The following CCDC178 variants were observed in gnomAD, a reference collection of about 807,000 sequenced individuals.
CCDC178 encodes the protein coiled-coil domain containing 178, also known as coiled-coil domain-containing protein 178.
A neutral mutation model predicts 117.4 loss-of-function variants in CCDC178; 126 were observed. The ratio of observed to expected loss-of-function variants is 1.07; its 90% CI spans 0.93 to 1.24. CCDC178 has a LOEUF of 1.24. CCDC178 is among the 50% of genes most tolerant of loss of function. The pLI is 0.00. For synonymous variants in CCDC178, 283 were observed against 313.4 expected (o/e 0.90, Z 1.02); for missense variants, 1,030 against 986.9 (o/e 1.04, Z -0.59).
chr18:33,044,447 G>A (rs2056605165), intron 21 of CCDC178, among the ~76,000 whole-genome samples: 1 of 151,824 alleles, frequency 6.6e-6, no homozygotes, highest in Non-Finnish European at 1.5e-5. Flanking sequence ...TCAGAGAAAT[G>A]CAAATTAAAA....
chr18:32,956,490 A>G (rs918964071), intron 22 of CCDC178: 2 of 152,206 alleles, frequency 1.3e-5, no homozygotes, highest in African/African-American at 4.8e-5. Context: ...GGTTTACTAC[A>G]GAAAAATCAC....
At chr18:33,214,725 T>C (rs1389312577) in intron 19 of CCDC178, among the ~76,000 whole-genome samples, 1 of 152,000 alleles carries the variant, frequency 6.6e-6, no homozygotes, top group African/African-American at 2.4e-5. Flanking sequence ...GAAAATAAGT[T>C]TTACTCTATG....
intron 21 of CCDC178, among the ~76,000 whole-genome samples, chr18:33,056,419 G>A (rs2144945022): frequency 6.6e-6 from 1 of 152,328 alleles, no homozygotes; most frequent in Non-Finnish European, 1.5e-5. Context: ...CAAATTATCT[G>A]TATGGTTACC....
chr18:33,085,456 G>A (rs1242597248), intron 21 of CCDC178, among the ~76,000 whole-genome samples: 1 of 152,004 alleles, frequency 6.6e-6, no homozygotes, highest in South Asian at 2.1e-4. Flanking sequence ...CCAGCTACTC[G>A]GGAGGCTGAG....
chr18:33,322,063 C>T (rs2062518256), intron 11 of CCDC178, among the ~76,000 whole-genome samples: 1 of 151,758 alleles, frequency 6.6e-6, no homozygotes, highest in Non-Finnish European at 1.5e-5. Context: ...TAATTGGTAT[C>T]CCAGGAGGAT....
chr18:33,023,180 C>G (rs2144835224), intron 21 of CCDC178, among the ~76,000 whole-genome samples: 1 of 152,094 alleles, frequency 6.6e-6, no homozygotes, highest in African/African-American at 2.4e-5. Flanking sequence ...GACACCTAAA[C>G]AGAAAATCAT....
At chr18:33,366,640 T>A (rs1472538672) in intron 6 of CCDC178, among the ~76,000 whole-genome samples, 1 of 152,070 alleles carries the variant, frequency 6.6e-6, no homozygotes, top group Non-Finnish European at 1.5e-5. Context: ...CCGTGGTTTT[T>A]AATGTATTTA....
chr18:33,066,055 G>T (rs1195495088), intron 21 of CCDC178, among the ~76,000 whole-genome samples: 1 of 151,866 alleles, frequency 6.6e-6, no homozygotes, highest in Admixed American at 6.6e-5. Flanking sequence ...TAGAGATGGG[G>T]TTTTACCGTG....
chr18:33,034,869 G>A (rs187642833), intron 21 of CCDC178, among the ~76,000 whole-genome samples: 1 of 151,874 alleles, frequency 6.6e-6, no homozygotes, highest in Admixed American at 6.6e-5. Context: ...ATTACTATCT[G>A]TACATTACAC....
rs143760952 is a variant in CCDC178 at position 33,044,028 on chromosome 18, T to TAC, written c.2388+48731_2388+48732dup. On this transcript the variant is annotated intron_variant, in intron 21 of 22. Transcript: ENST00000383096. ...ATTGATGTGTTGTTAACAATATATA[T>TAC]ACACACACACACCAGCATATGTGTG... 6.4e-3 allele frequency among the ~76,000 whole-genome samples: 972 copies of TAC among 150,876 alleles called. 8 individuals are homozygous for TAC. Among genetic ancestry groups the TAC allele is most frequent in the Admixed American group, 0.012 (187 of 15,152 alleles).
At chr18:33,393,648 A>G (rs2063592588) in intron 4 of CCDC178, among the ~76,000 whole-genome samples, 1 of 152,012 alleles carries the variant, frequency 6.6e-6, no homozygotes, top group East Asian at 1.9e-4. Flanking sequence ...CACCAATGCT[A>G]CTCCATGTAT....
chr18:33,244,443 C>G (rs2059523287), intron 15 of CCDC178, among the ~76,000 whole-genome samples: 1 of 151,840 alleles, frequency 6.6e-6, no homozygotes, highest in African/African-American at 2.4e-5. Context: ...AGGGTGGGAC[C>G]AGGTGGAGAT....
chr18:33,030,686 G>C (rs1410433762), intron 21 of CCDC178, among the ~76,000 whole-genome samples: 1 of 151,934 alleles, frequency 6.6e-6, no homozygotes, highest in Non-Finnish European at 1.5e-5. Flanking sequence ...GATAGATGTA[G>C]ATATAGATAT....
Position 33,191,133 on chromosome 18 carries a change from T to C in CCDC178, c.2238+20763A>G, listed in dbSNP as rs114281857. 7.0e-3 allele frequency among the ~76,000 whole-genome samples: 1,070 copies of C among 152,290 alleles called. 12 individuals carry two copies. Among genetic ancestry groups the C allele is most frequent in the African/African-American group, 0.025 (1,019 of 41,568 alleles). On this transcript the variant is annotated intron_variant, in intron 20 of 22. Coordinates refer to ENST00000383096, the MANE Select transcript of CCDC178 (RefSeq NM_001105528.4). ...CTCAAACAACTCTAAGAAATTAGAT[T>C]ACCACATTCAGAATTCCTTCTTTCA...
At chr18:32,976,430 G>T (rs540643924) in intron 21 of CCDC178, among the ~76,000 whole-genome samples, 6 of 152,216 alleles carry the variant, frequency 3.9e-5, no homozygotes, top group African/African-American at 1.4e-4. Context: ...TCCATAGGAG[G>T]TAGCACTAGC....
chr18:33,398,034 C>T (rs7229920), intron 3 of CCDC178, among the ~76,000 whole-genome samples: 144,411 of 152,114 alleles, frequency 0.95, 68,987 homozygotes, highest in Middle Eastern at 1. Context: ...ATGAGGCCTA[C>T]TTTATTTGTG....
chr18:33,383,943 T>A (rs1010604778), intron 5 of CCDC178, among the ~76,000 whole-genome samples: 3 of 151,998 alleles, frequency 2.0e-5, no homozygotes, highest in Non-Finnish European at 4.4e-5. Flanking sequence ...TCTAACACAA[T>A]GCAAAGAAGC....
chr18:33,206,077 A>G (rs1043204053), intron 20 of CCDC178, among the ~76,000 whole-genome samples: 1 of 152,194 alleles, frequency 6.6e-6, no homozygotes, highest in Admixed American at 6.5e-5. Context: ...GGGAGATAAA[A>G]AAAGTTTTTT....
rs1010337917 is a variant in CCDC178, at chr18:33,347,698, CTTATAA to C, written c.457+1186_457+1191del. Among the ~76,000 whole-genome samples the C allele has an allele frequency of 4.7e-4, 71 of 152,204 alleles. 1 individual carries two copies. Among genetic ancestry groups the C allele is most frequent in the Middle Eastern group, 3.4e-3 (1 of 294 alleles). On this transcript the variant is annotated intron_variant, in intron 8 of 22. Transcript: ENST00000383096. Reference sequence around the variant, plus strand: ...GGAATATATGAATAAATTAATACCACTTATAATTAAAATACTTCTGATTGAATATAT... The same window carrying C: ...GGAATATATGAATAAATTAATACCACTTAAAATACTTCTGATTGAATATAT...
Sources: gnomAD v4.1 joint callset for allele counts (sites outside exome capture counted in the v4.1 genomes callset) on GRCh38, gnomAD v4.1.1 for gene constraint, MANE v1.5 for transcripts, NCBI Gene and HGNC (gene_info 2026-07-23, HGNC 2026-07-21) for gene names.